The following ERP44 variants were observed in gnomAD, a reference collection of about 807,000 sequenced individuals.
ERP44 encodes endoplasmic reticulum resident protein 44.
ERP44 carries 25 observed loss-of-function variants against 53.4 expected under a neutral mutation model. That is an observed-to-expected ratio of 0.47 (90% CI 0.34 to 0.65). The LOEUF is 0.65. ERP44 is among the 30% of genes least tolerant of loss of function. The pLI is 0.01. For missense variants in ERP44, 338 were observed against 493.2 expected (o/e 0.69, Z 2.98); for synonymous variants, 145 against 161.2 (o/e 0.90, Z 0.76).
chr9:100,025,392 A>G (rs190522413), intron 4 of ERP44, among the ~76,000 whole-genome samples: 132 of 152,358 alleles, frequency 8.7e-4, no homozygotes, highest in Non-Finnish European at 1.5e-3. Context: ...AATATTAACA[A>G]ACTTAGCACT....
chr9:100,006,408 G>C, intron 10 of ERP44, 98 bp downstream of exon 10: 2 of 918,136 alleles, frequency 2.2e-6, no homozygotes, highest in Non-Finnish European at 3.3e-6. Context: ...AAGTCTTACT[G>C]TTCCAACATA....
At chr9:100,001,121 C>T (rs1490857218) in intron 10 of ERP44, among the ~76,000 whole-genome samples, 1 of 152,080 alleles carries the variant, frequency 6.6e-6, no homozygotes, top group Non-Finnish European at 1.5e-5. Context: ...TGTTCAGTAA[C>T]ATGTTTGATT....
chr9:100,094,881 AG>A (rs1826606300), intron 1 of ERP44, among the ~76,000 whole-genome samples: 1 of 151,706 alleles, frequency 6.6e-6, no homozygotes, highest in Admixed American at 6.6e-5. Flanking sequence ...CTGAGGTGAA[AG>A]GATTGCTTCA....
At chr9:99,993,233 G>A (rs936487863) in intron 10 of ERP44, among the ~76,000 whole-genome samples, 1 of 152,198 alleles carries the variant, frequency 6.6e-6, no homozygotes, top group African/African-American at 2.4e-5. Flanking sequence ...AAGAAAGCTG[G>A]AGGCATCACG....
intron 1 of ERP44, among the ~76,000 whole-genome samples, chr9:100,083,964 G>A (rs576423356): frequency 6.6e-5 from 10 of 152,156 alleles, no homozygotes; most frequent in African/African-American, 2.4e-4. Flanking sequence ...CCGTGAAAAA[G>A]CAAGAGAAAA....
chr9:100,024,130 G>C (rs1830625903), intron 4 of ERP44, among the ~76,000 whole-genome samples: 1 of 151,254 alleles, frequency 6.6e-6, no homozygotes, highest in Non-Finnish European at 1.5e-5. Flanking sequence ...CTCCAGACTG[G>C]GTGACAGAGT....
intron 11 of ERP44, among the ~76,000 whole-genome samples, chr9:99,984,490 A>G (rs1830177888): frequency 6.6e-6 from 1 of 152,220 alleles, no homozygotes; most frequent in Non-Finnish European, 1.5e-5. Flanking sequence ...GGAAAGCTGC[A>G]TTAAACTGTA....
rs1338910828 is a variant in ERP44 at position 100,016,385 on chromosome 9, A to T, written c.699T>A (p.Thr233=). 6.2e-7 allele frequency: 1 copy of T among 1,612,628 alleles called. No individual in the cohort carries two copies. The highest frequency in any genetic ancestry group is 8.5e-7 in the Non-Finnish European group (1 of 1,179,526). The change falls in exon 8 of 12, where the codon ACT becomes ACA. Residue 233 remains threonine (T), a synonymous_variant. Coordinates refer to ENST00000262455, the MANE Select transcript of ERP44 (RefSeq NM_015051.3). The part of the protein sequence containing the change: ...YLGAMTNFDV[T]YNWIQDKCVP... The stretch of plus-strand genomic sequence containing the variant: ...CACATTTATCTTGAATCCAATTGTA[A>T]GTCACATCAAAATTTGTCATAGCTC...
chr9:100,061,613 G>T (rs993971007), intron 1 of ERP44, among the ~76,000 whole-genome samples: 38 of 144,332 alleles, frequency 2.6e-4, no homozygotes, highest in African/African-American at 8.4e-4. Flanking sequence ...TATATTTATA[G>T]AAATATATAT....
intron 1 of ERP44, among the ~76,000 whole-genome samples, chr9:100,065,137 C>G (rs1460803829): frequency 1.3e-5 from 2 of 152,174 alleles, no homozygotes; most frequent in African/African-American, 4.8e-5. Flanking sequence ...CTGCAAGTTT[C>G]ATTCATGTTA....
chr9:100,012,762 T>C (rs1240117696), intron 8 of ERP44, among the ~76,000 whole-genome samples: 3 of 152,174 alleles, frequency 2.0e-5, no homozygotes, highest in African/African-American at 7.2e-5. Flanking sequence ...AGACTTCTGC[T>C]TCCAGAAAGA....
At chr9:100,066,674 A>G (rs903227280) in intron 1 of ERP44, among the ~76,000 whole-genome samples, 2 of 152,232 alleles carry the variant, frequency 1.3e-5, no homozygotes, top group Non-Finnish European at 2.9e-5. Context: ...CAATGCCCTG[A>G]GACCTAGGCT....
chr9:100,055,230 A>C (rs1826076262), intron 3 of ERP44, among the ~76,000 whole-genome samples: 1 of 152,232 alleles, frequency 6.6e-6, no homozygotes, highest in South Asian at 2.1e-4. Context: ...GTTAGAATGA[A>C]TAAGATCTAG....
intron 4 of ERP44, among the ~76,000 whole-genome samples, chr9:100,036,234 T>G (rs2104273): frequency 0.68 from 103,071 of 152,104 alleles, 36,152 homozygotes; most frequent in East Asian, 0.91. Flanking sequence ...ACAAAATCAT[T>G]TCCTCTGCAG....
chr9:99,999,036 G>C (rs573363743), intron 10 of ERP44: 1 of 843,216 alleles, frequency 1.2e-6, no homozygotes, highest in East Asian at 2.6e-5. Flanking sequence ...GCTGCTCCTT[G>C]GTGAGGCCCG....
intron 1 of ERP44, among the ~76,000 whole-genome samples, chr9:100,073,889 T>A (rs1826330879): frequency 6.6e-6 from 1 of 152,198 alleles, no homozygotes; most frequent in East Asian, 1.9e-4. Flanking sequence ...AAACTACCTA[T>A]CCTTACTACA....
At chr9:100,078,025 C>T (rs1826378047) in intron 1 of ERP44, among the ~76,000 whole-genome samples, 1 of 152,188 alleles carries the variant, frequency 6.6e-6, no homozygotes, top group Non-Finnish European at 1.5e-5. Context: ...AAAGGAAATA[C>T]AGAATGGGTA....
intron 1 of ERP44, among the ~76,000 whole-genome samples, chr9:100,094,550 G>A (rs918791526): frequency 3.9e-5 from 6 of 151,984 alleles, no homozygotes; most frequent in African/African-American, 1.2e-4. Context: ...CCCAGCTAAT[G>A]GGGAGGCTGA....
intron 1 of ERP44, among the ~76,000 whole-genome samples, chr9:100,082,962 G>C: frequency 6.6e-6 from 1 of 151,920 alleles, no homozygotes; most frequent in Non-Finnish European, 1.5e-5. Flanking sequence ...GAATGGAGAA[G>C]GAATTTCTAA....
Sources: allele counts gnomAD v4.1 joint callset (sites outside exome capture counted in the v4.1 genomes callset), GRCh38; gene constraint gnomAD v4.1.1; transcripts MANE v1.5; gene names NCBI Gene and HGNC (gene_info 2026-07-23, HGNC 2026-07-21).